The following TSPAN5 variants were observed in gnomAD, a reference collection of about 807,000 sequenced individuals.
The protein encoded by TSPAN5 is tetraspanin 5.
A neutral mutation model predicts 37.1 loss-of-function variants in TSPAN5; 10 were observed. The ratio of observed to expected loss-of-function variants is 0.27; its 90% CI spans 0.17 to 0.46. TSPAN5 has a LOEUF of 0.46. Among genes scored for constraint, TSPAN5 ranks in the 20% least tolerant of loss-of-function variants. TSPAN5 has a pLI of 1.00. For synonymous variants in TSPAN5, 110 were observed against 118.9 expected, an observed-to-expected ratio of 0.93 and a Z score of 0.48; for missense variants, 195 against 326.6, an observed-to-expected ratio of 0.60 and a Z score of 3.11.
chr4:98,653,951 A>C (rs1757246730), intron 1 of TSPAN5, among the ~76,000 whole-genome samples: 1 of 152,152 alleles, frequency 6.6e-6, no homozygotes, highest in Admixed American at 6.5e-5. Flanking sequence ...GCTCTAACCA[A>C]TGGAATAGAT....
chr4:98,471,011 A>C lies in TSPAN5; in HGVS notation c.*1511T>G, dbSNP rs2110248416. 1 of 152,298 alleles carries C rather than the reference A, an allele frequency of 6.6e-6. No individual in the cohort carries two copies. The highest frequency in any genetic ancestry group is 1.5e-5 in the Non-Finnish European group (1 of 68,042). The allele number at this position is 152,298 out of a possible 1,614,324, so 9.4% of individuals were successfully genotyped here. A position where few individuals can be genotyped will look rare whatever the true frequency, so the allele number is the denominator to read the frequency against. On this transcript the variant is annotated 3_prime_UTR_variant, in exon 8 of 8. Transcript: ENST00000305798. ...ACATCCGGTGGACACCAGCTGGATT[A>C]AAATCTAGAGGGCAAAACTCGTCCC... is the stretch of plus-strand genomic sequence containing the variant.
intron 1 of TSPAN5, among the ~76,000 whole-genome samples, chr4:98,565,610 C>G (rs1754986161): frequency 6.6e-6 from 1 of 152,164 alleles, no homozygotes; most frequent in African/African-American, 2.4e-5. Context: ...ACATCTCATC[C>G]CATTGCTCTG....
At chr4:98,568,519 G>A (rs538633177) in intron 1 of TSPAN5, among the ~76,000 whole-genome samples, 2 of 152,126 alleles carry the variant, frequency 1.3e-5, no homozygotes, top group South Asian at 4.2e-4. Context: ...TCCAGCCTGG[G>A]CGACAGTCCC....
chr4:98,565,682 G>A (rs1754989409), intron 1 of TSPAN5, among the ~76,000 whole-genome samples: 1 of 152,178 alleles, frequency 6.6e-6, no homozygotes, highest in South Asian at 2.1e-4. Flanking sequence ...CCAAAAAGCT[G>A]CCTGGAATTT....
chr4:98,503,912 G>C (rs1263827204), intron 2 of TSPAN5, among the ~76,000 whole-genome samples: 1 of 152,178 alleles, frequency 6.6e-6, no homozygotes, highest in Non-Finnish European at 1.5e-5. Flanking sequence ...CCAAACAGCA[G>C]ATCCTATGAT....
intron 1 of TSPAN5, among the ~76,000 whole-genome samples, chr4:98,622,451 T>G (rs1336403502): frequency 6.6e-6 from 1 of 152,154 alleles, no homozygotes; most frequent in Non-Finnish European, 1.5e-5. Context: ...AACTGATGAG[T>G]CATATGGTAA....
intron 1 of TSPAN5, among the ~76,000 whole-genome samples, chr4:98,565,471 C>T (rs796548042): frequency 1.6e-4 from 25 of 152,240 alleles, no homozygotes; most frequent in African/African-American, 5.3e-4. Flanking sequence ...ACACAGTAGA[C>T]CACGCATTTA....
Position 98,471,001 on chromosome 4 carries a change from C to G in TSPAN5, c.*1521G>C, listed in dbSNP as rs569615365. On this transcript the variant is annotated 3_prime_UTR_variant, in exon 8 of 8. Transcript: ENST00000305798. ...CAGGAGGGCAACATCCGGTGGACAC[C>G]AGCTGGATTAAAATCTAGAGGGCAA... The G allele has an allele frequency of 1.5e-3, 221 of 152,286 alleles. 1 individual carries two copies. The highest frequency in any genetic ancestry group is 5.3e-3 in the African/African-American group (219 of 41,552). 9.4% of individuals were successfully genotyped at this position (152,286 alleles called of 1,614,324 possible).
chr4:98,600,493 A>T (rs1415256691), intron 1 of TSPAN5, among the ~76,000 whole-genome samples: 1 of 152,218 alleles, frequency 6.6e-6, no homozygotes, highest in African/African-American at 2.4e-5. Context: ...TGTCGTTTCA[A>T]CAATGTTCAC....
intron 1 of TSPAN5, among the ~76,000 whole-genome samples, chr4:98,530,107 T>C (rs1369832335): frequency 1.3e-5 from 2 of 152,186 alleles, no homozygotes; most frequent in South Asian, 2.1e-4. Flanking sequence ...GCATCAGGCA[T>C]GGGCCTACTC....
In TSPAN5 at chr4:98,524,570, A is replaced by C. The variant is rs117023260; in HGVS notation, c.82-16842T>G. Among the ~76,000 whole-genome samples, 27 of 152,274 alleles carry C rather than the reference A, an allele frequency of 1.8e-4. No individual in the cohort carries two copies. In the East Asian group the frequency reaches 4.0e-3, roughly 23 times the overall value. ...TCTTAAAACTGACGTCCATGTGAGCATGACTTTGTCAAACACTTAAATATT... is the reference window on the plus strand; with the variant it reads ...TCTTAAAACTGACGTCCATGTGAGCCTGACTTTGTCAAACACTTAAATATT... On this transcript the variant is annotated intron_variant, in intron 1 of 7. Coordinates refer to ENST00000305798, the MANE Select transcript of TSPAN5 (RefSeq NM_005723.4).
intron 1 of TSPAN5, among the ~76,000 whole-genome samples, chr4:98,605,742 A>AGGT (rs1756019097): frequency 6.6e-6 from 1 of 152,162 alleles, no homozygotes; most frequent in African/African-American, 2.4e-5. Flanking sequence ...CTAAAAATGG[A>AGGT]GGTGTACATG....
intron 2 of TSPAN5, among the ~76,000 whole-genome samples, chr4:98,501,247 C>T (rs1007665985): frequency 6.6e-6 from 1 of 152,058 alleles, no homozygotes; most frequent in Admixed American, 6.6e-5. Context: ...CTTCAGAAAC[C>T]ACACGTATTT....
chr4:98,576,190 C>G (rs1278504006), intron 1 of TSPAN5, among the ~76,000 whole-genome samples: 1 of 151,900 alleles, frequency 6.6e-6, no homozygotes, highest in Non-Finnish European at 1.5e-5. Flanking sequence ...AAAAATCAAA[C>G]AGTATTAATT....
intron 1 of TSPAN5, among the ~76,000 whole-genome samples, chr4:98,632,220 C>T (rs1756764808): frequency 6.6e-6 from 1 of 152,132 alleles, no homozygotes; most frequent in African/African-American, 2.4e-5. Flanking sequence ...TCCAAAATCC[C>T]AGGTGCACAG....
intron 1 of TSPAN5, among the ~76,000 whole-genome samples, chr4:98,632,158 C>T (rs1756762786): frequency 6.6e-6 from 1 of 152,200 alleles, no homozygotes; most frequent in African/African-American, 2.4e-5. Flanking sequence ...CTCTGCCACC[C>T]TGTGTTCATT....
At chr4:98,591,157 A>G (rs1022125114) in intron 1 of TSPAN5, among the ~76,000 whole-genome samples, 2 of 151,096 alleles carry the variant, frequency 1.3e-5, no homozygotes, top group Non-Finnish European at 2.9e-5. Context: ...AGTGTCAACA[A>G]AATAACATAC....
At chr4:98,527,058 A>G (rs1753977830) in intron 1 of TSPAN5, among the ~76,000 whole-genome samples, 3 of 152,170 alleles carry the variant, frequency 2.0e-5, no homozygotes, top group Non-Finnish European at 4.4e-5. Context: ...AGCTTTATTG[A>G]CATCGACTGT....
intron 2 of TSPAN5, among the ~76,000 whole-genome samples, chr4:98,489,021 C>T (rs904867775): frequency 6.6e-6 from 1 of 152,198 alleles, no homozygotes; most frequent in Non-Finnish European, 1.5e-5. Context: ...TATGGACCTT[C>T]TCAGCCACCG....
Sources: gnomAD v4.1 joint callset for allele counts (sites outside exome capture counted in the v4.1 genomes callset) on GRCh38, gnomAD v4.1.1 for gene constraint, MANE v1.5 for transcripts, NCBI Gene and HGNC (gene_info 2026-07-23, HGNC 2026-07-21) for gene names.